CASP4: variants seen among roughly 807,000 people sequenced by gnomAD.
CASP4 encodes caspase-4.
A neutral mutation model predicts 41.3 loss-of-function variants in CASP4; 29 were observed. The observed-to-expected ratio is 0.70, with a 90% CI of 0.52 to 0.96. The LOEUF (loss-of-function observed/expected upper bound fraction) is 0.96. CASP4 is among the 40% of genes least tolerant of loss of function. The pLI is 0.00. For missense variants in CASP4, 447 were observed against 460.6 expected (o/e 0.97, Z 0.27); for synonymous variants, 185 against 158.4 (o/e 1.17, Z -1.26).
Position 104,947,205 on chromosome 11 carries a change from A to G in CASP4, c.926-13T>C. ...CAGGACACGTTGTCTATAATGATACAGATGGGTATGCCTTGGGCTATGACT... is the reference window on the plus strand; with the variant it reads ...CAGGACACGTTGTCTATAATGATACGGATGGGTATGCCTTGGGCTATGACT... On this transcript the variant is annotated splice_polypyrimidine_tract_variant and intron_variant, in intron 6 of 8. Transcript: ENST00000444739. The G allele has an allele frequency of 3.4e-6, 5 of 1,483,886 alleles. No homozygotes were observed. The highest frequency in any genetic ancestry group is 4.7e-6 in the Non-Finnish European group (5 of 1,065,832). The allele number at this position is 1,483,886 out of a possible 1,614,324, so 91.9% of individuals were successfully genotyped here.
chr11:104,963,201 C>T (rs1434417831), intron 1 of CASP4, among the ~76,000 whole-genome samples: 4 of 152,134 alleles, frequency 2.6e-5, no homozygotes, highest in South Asian at 2.1e-4. Context: ...TCTTGGATCT[C>T]GTTTTTCTGT....
intron 2 of CASP4, among the ~76,000 whole-genome samples, chr11:104,953,507 A>G (rs984709596): frequency 1.2e-4 from 18 of 152,290 alleles, no homozygotes; most frequent in Admixed American, 1.2e-3. Context: ...TTGAGAAAAA[A>G]CTAAAAACCT....
At position 104,951,890 on chromosome 11, in the gene CASP4, T is replaced by A. The variant is rs1202925820; in HGVS notation, c.372+6A>T. On this transcript the variant is annotated splice_donor_region_variant and intron_variant, in intron 3 of 8. Transcript: ENST00000444739. ...TTTTTTCTATTTCATATAGATAGCA[T>A]AGCACCTCTTCAGCTCTTTCTTTAC... 6.4e-7 allele frequency: 1 copy of A among 1,561,256 alleles called. No homozygotes were observed. Among genetic ancestry groups the A allele is most frequent in the South Asian group, 1.1e-5 (1 of 90,060 alleles).
chr11:104,959,980 G>A (rs56661625), intron 1 of CASP4, among the ~76,000 whole-genome samples: 1 of 152,112 alleles, frequency 6.6e-6, no homozygotes, highest in Non-Finnish European at 1.5e-5. Flanking sequence ...AACGAAGAGT[G>A]TTCCAATATC....
chr11:104,968,228 A>G (rs1011502792), intron 1 of CASP4, among the ~76,000 whole-genome samples: 1 of 152,222 alleles, frequency 6.6e-6, no homozygotes, highest in African/African-American at 2.4e-5. Flanking sequence ...AAACTTCTAG[A>G]ATTGTCTCAC....
intron 1 of CASP4, among the ~76,000 whole-genome samples, chr11:104,955,621 G>C (rs1419297151): frequency 6.6e-6 from 1 of 151,896 alleles, no homozygotes; most frequent in African/African-American, 2.4e-5. Context: ...TTCAAATCTT[G>C]TTCTCAATGA....
At chr11:104,963,231 T>A (rs1229045267) in intron 1 of CASP4, among the ~76,000 whole-genome samples, 2 of 152,220 alleles carry the variant, frequency 1.3e-5, no homozygotes, top group Non-Finnish European at 2.9e-5. Context: ...TTTTTTCTTC[T>A]TAGTAAACTG....
In CASP4 at chr11:104,949,786, G is replaced by C; in HGVS notation, c.547-9C>G. On this transcript the variant is annotated splice_polypyrimidine_tract_variant and intron_variant, in intron 4 of 8. Transcript: ENST00000444739. ...AGCGCTGACTCCATATCCTGTAAAA[G>C]AGCAATGTCTAACTTCAGTCAGAGA... is the stretch of plus-strand genomic sequence containing the variant. The C allele has an allele frequency of 9.3e-6, 15 of 1,612,714 alleles. No individual in the cohort carries two copies. Among genetic ancestry groups the C allele is most frequent in the Non-Finnish European group, 1.3e-5 (15 of 1,178,936 alleles).
rs773219115 is a variant in CASP4 at position 104,944,835 on chromosome 11, T to A, written c.1052A>T (p.Glu351Val). ...EVFRKVQQSF[E>V]TPRAKAQMPT... is the part of the protein sequence containing the mutation. ...CATTTGAGCTTTGGCCCTTGGAGTT[T>A]CAAATGATTGCTGTACCTGAAAAAG... Residue 351 changes from glutamate (E) to valine (V), a missense_variant, in exon 8 of 9, where the codon GAA (glutamate) becomes GTA (valine). Physicochemically the swap from Glu to Val is moderately radical, Grantham distance 121. Transcript: ENST00000444739. The A allele has an allele frequency of 1.1e-5, 17 of 1,612,264 alleles. No individual in the cohort carries two copies. Among genetic ancestry groups the A allele is most frequent in the Non-Finnish European group, 1.4e-5 (16 of 1,178,502 alleles).
In CASP4 at chr11:104,949,671, C is replaced by G. The variant is rs1336005284; in HGVS notation, c.653G>C (p.Gly218Ala). The change falls in exon 5 of 9, where the codon GGA (glycine) becomes GCA (alanine). Residue 218 changes from glycine to alanine, a missense_variant. Transcript: ENST00000444739. ...MSHGILEGICGTVHDEKKPDV... is the reference protein window; with the variant it reads ...MSHGILEGICATVHDEKKPDV... ...TGGTTTTTTCTCATCATGCACAGTT[C>G]CGCAGATTCCCTCCAGGATGCCATG... 1 of 1,613,928 alleles carries G rather than the reference C, an allele frequency of 6.2e-7. No individual in the cohort carries two copies. Among genetic ancestry groups the G allele is most frequent in the African/African-American group, 1.3e-5 (1 of 75,024 alleles).
In CASP4 at chr11:104,948,635, A is replaced by G; in HGVS notation, c.823T>C (p.Leu275=). The change falls in exon 6 of 9, where the codon TTG becomes CTG. Residue 275 remains leucine, a synonymous_variant. Transcript: ENST00000444739. The part of the protein sequence containing the change: ...ELWVRDSPAS[L]EVASSQSSEN... ...GATGACTGTGAAGAGGCCACTTCCA[A>G]GGATGCTGGAGAGTCTCTGACCCAC... 6.2e-7 allele frequency: 1 copy of G among 1,610,138 alleles called. No individual in the cohort carries two copies. The highest frequency in any genetic ancestry group is 1.1e-5 in the South Asian group (1 of 90,292).
rs1435155042 is a variant in CASP4 at position 104,943,369 on chromosome 11, G to A, written c.*6-396C>T. On this transcript the variant is annotated intron_variant, in intron 8 of 8. Transcript: ENST00000444739. ...ATGTTTAGTGCATTGCTATCCCAGG[G>A]CATTTGCACTGGCTGTATTCTGTGC... 3 of 192,140 alleles carry A rather than the reference G, an allele frequency of 1.6e-5. No individual in the cohort carries two copies. The East Asian group carries it at 4.5e-4, about 29-fold the overall frequency. The allele number at this position is 192,140 out of a possible 1,614,324, so 11.9% of individuals were successfully genotyped here. A position where few individuals can be genotyped will look rare whatever the true frequency, so the allele number is the denominator to read the frequency against.
At chr11:104,963,928 T>C (rs1240313239) in intron 1 of CASP4, among the ~76,000 whole-genome samples, 1 of 152,156 alleles carries the variant, frequency 6.6e-6, no homozygotes, top group Non-Finnish European at 1.5e-5. Context: ...GCCCTGTTCC[T>C]CCAAGGGCTC....
At chr11:104,946,446 C>T (rs2134633106) in intron 7 of CASP4, among the ~76,000 whole-genome samples, 2 of 152,160 alleles carry the variant, frequency 1.3e-5, no homozygotes, top group Admixed American at 1.3e-4. Context: ...CATAAATAAA[C>T]TATTAATATT....
chr11:104,959,746 C>A (rs1860817274), intron 1 of CASP4, among the ~76,000 whole-genome samples: 1 of 152,160 alleles, frequency 6.6e-6, no homozygotes, highest in Non-Finnish European at 1.5e-5. Context: ...AAAAGAGCAG[C>A]AATACCTGGT....
chr11:104,947,238 T>G (rs1253085614), intron 6 of CASP4, 46 bp from the exon 7 acceptor site: 1 of 1,133,088 alleles, frequency 8.8e-7, no homozygotes, highest in African/African-American at 1.6e-5. Context: ...ACTTTCACTA[T>G]GTTTTTGTTC....
intron 5 of CASP4, 22 bp from the exon 6 acceptor site, chr11:104,948,698 G>A: frequency 6.4e-7 from 1 of 1,567,844 alleles, no homozygotes; most frequent in Non-Finnish European, 8.7e-7. Flanking sequence ...TTAACTTTCT[G>A]CACACTGCTG....
At position 104,944,860 on chromosome 11, in the gene CASP4, GA is replaced by G; in HGVS notation, c.1036-10del. On this transcript the variant is annotated splice_polypyrimidine_tract_variant and intron_variant, in intron 7 of 8. Coordinates refer to ENST00000444739, the MANE Select transcript of CASP4 (RefSeq NM_001225.4). The stretch of plus-strand genomic sequence containing the variant: ...TCAAATGATTGCTGTACCTGAAAAA[GA>G]AAATAGGCTGTAGATGAGATACGAC... 6.4e-7 allele frequency: 1 copy of G among 1,574,556 alleles called. No homozygotes were observed. The highest frequency in any genetic ancestry group is 8.7e-7 in the Non-Finnish European group (1 of 1,144,196).
chr11:104,945,850 TC>T (rs1035605681), intron 7 of CASP4, among the ~76,000 whole-genome samples: 2 of 151,878 alleles, frequency 1.3e-5, no homozygotes, highest in Non-Finnish European at 2.9e-5. Context: ...TACTTTTCTT[TC>T]TTTTTCTTTT....
Sources: gnomAD v4.1 joint callset for allele counts (sites outside exome capture counted in the v4.1 genomes callset) on GRCh38, gnomAD v4.1.1 for gene constraint, MANE v1.5 for transcripts, NCBI Gene and HGNC (gene_info 2026-07-23, HGNC 2026-07-21) for gene names.